Variants in TIAM2 observed in about 807,000 individuals in gnomAD.
TIAM2 encodes TIAM Rac1 associated GEF 2.
In TIAM2, 80 loss-of-function variants were observed where a neutral mutation model predicts 152.9. The ratio of observed to expected loss-of-function variants is 0.52; its 90% confidence interval spans 0.44 to 0.63. The LOEUF (loss-of-function observed/expected upper bound fraction) is 0.63. Among genes scored for constraint, TIAM2 ranks in the 30% least tolerant of loss-of-function variants. The probability of loss-of-function intolerance (pLI) is 0.00; values close to 1 mark genes in which losing one functional copy is unlikely to be tolerated. For synonymous variants in TIAM2, 804 were observed against 838.0 expected, an observed-to-expected ratio of 0.96 and a Z score of 0.70; for missense variants, 1,965 against 2,120.1, an observed-to-expected ratio of 0.93 and a Z score of 1.44.
At chr6:155,059,329 C>CGCGTGTGCAT (rs141796855) in intron 1 of TIAM2, among the ~76,000 whole-genome samples, 2 of 149,290 alleles carry the variant, frequency 1.3e-5, no homozygotes, top group African/African-American at 2.5e-5. Flanking sequence ...TGTGTGTGCG[C>CGCGTGTGCAT]GTGTATGTTT....
chr6:155,080,538 C>T (rs1778039795), intron 1 of TIAM2, among the ~76,000 whole-genome samples: 1 of 151,890 alleles, frequency 6.6e-6, no homozygotes, highest in Non-Finnish European at 1.5e-5. Context: ...CTCCCAGGTT[C>T]AAGCGATTCC....
At chr6:154,997,834 C>T (rs544566690) in intron 1 of TIAM2, among the ~76,000 whole-genome samples, 4 of 151,700 alleles carry the variant, frequency 2.6e-5, no homozygotes, top group East Asian at 1.9e-4. Flanking sequence ...GAGGGGGTTT[C>T]GCCATGTTGC....
chr6:155,006,102 C>T (rs533838671), intron 1 of TIAM2, among the ~76,000 whole-genome samples: 17 of 152,278 alleles, frequency 1.1e-4, no homozygotes, highest in East Asian at 7.7e-4. Context: ...GAGGCTCCCA[C>T]GTGTAGCCCC....
intron 1 of TIAM2, among the ~76,000 whole-genome samples, chr6:155,069,331 C>T (rs9384276): frequency 0.3 from 45,575 of 151,848 alleles, 7,372 homozygotes; most frequent in Non-Finnish European, 0.37. Context: ...AGGGCTTGAG[C>T]GATCCTCCCA....
chr6:155,088,690 C>G (rs1351558418), intron 1 of TIAM2, among the ~76,000 whole-genome samples: 1 of 152,216 alleles, frequency 6.6e-6, no homozygotes, highest in Non-Finnish European at 1.5e-5. Flanking sequence ...TCCCCTTGCT[C>G]TAAGGCAAGC....
chr6:155,021,851 T>C (rs1365273920), intron 1 of TIAM2, among the ~76,000 whole-genome samples: 7 of 152,196 alleles, frequency 4.6e-5, no homozygotes, highest in Admixed American at 4.6e-4. Flanking sequence ...GTCATGCATT[T>C]ATTTCTTTAC....
chr6:155,218,444 A>G lies in TIAM2; in HGVS notation c.3168+7137A>G, dbSNP rs1781925163. ...ACCTGATGCTTAAACCTGAATTTGT[A>G]TTCCCATCCACCATGCCTTATCATT... On this transcript the variant is annotated intron_variant, in intron 15 of 26. Transcript: ENST00000682666. The surrounding 1 kb of genome is among the most constrained non-coding windows in gnomAD (Gnocchi z 4.5). Among the ~76,000 whole-genome samples the G allele has an allele frequency of 1.3e-5, 2 of 152,182 alleles. No individual in the cohort carries two copies. The highest frequency in any genetic ancestry group is 4.8e-5 in the African/African-American group (2 of 41,448).
intron 1 of TIAM2, among the ~76,000 whole-genome samples, chr6:155,065,074 T>C (rs1322645839): frequency 2.0e-5 from 3 of 152,208 alleles, no homozygotes; most frequent in Middle Eastern, 3.4e-3. Flanking sequence ...CTGCCTCAGC[T>C]TCCTGAGTAG....
chr6:155,006,667 C>T (rs1332772046), intron 1 of TIAM2, among the ~76,000 whole-genome samples: 1 of 149,414 alleles, frequency 6.7e-6, no homozygotes, highest in Non-Finnish European at 1.5e-5. Context: ...GACTGTCTCC[C>T]CCACCTCCCC....
At chr6:155,121,230 A>G (rs1779142421) in intron 2 of TIAM2, among the ~76,000 whole-genome samples, 1 of 152,214 alleles carries the variant, frequency 6.6e-6, no homozygotes, top group Non-Finnish European at 1.5e-5. Flanking sequence ...GTGTTGCATT[A>G]TTGAATAATG....
At chr6:155,139,485 C>T (rs943622667) in intron 5 of TIAM2, among the ~76,000 whole-genome samples, 3 of 152,034 alleles carry the variant, frequency 2.0e-5, no homozygotes, top group Non-Finnish European at 2.9e-5. Flanking sequence ...TCCATACTGG[C>T]GAGGCAGATT....
chr6:155,042,284 CTATGCAACTT>C (rs1471320259), intron 1 of TIAM2, among the ~76,000 whole-genome samples: 1 of 151,292 alleles, frequency 6.6e-6, no homozygotes, highest in Non-Finnish European at 1.5e-5. Context: ...TAAGTTTGGC[CTATGCAACTT>C]CCAAAGCCCA....
At chr6:155,245,755 G>GCT (rs1783283396) in intron 19 of TIAM2, 24 bp downstream of exon 19, 1 of 1,022,126 alleles carries the variant, frequency 9.8e-7, no homozygotes, top group Non-Finnish European at 1.4e-6. Context: ...GCCTTTTATA[G>GCT]TTTTTTTTTT....
intron 14 of TIAM2, among the ~76,000 whole-genome samples, chr6:155,185,123 C>CTTTTTT (rs11404301): frequency 1.1e-4 from 10 of 92,398 alleles, no homozygotes; most frequent in African/African-American, 2.6e-4. Context: ...GCAAATTTAC[C>CTTTTTT]TTTTTTTTTT....
intron 1 of TIAM2, among the ~76,000 whole-genome samples, chr6:155,049,944 C>A (rs80236892): frequency 6.6e-6 from 1 of 152,072 alleles, no homozygotes; most frequent in Non-Finnish European, 1.5e-5. Context: ...AGGACTTTTG[C>A]AGCTCACCGC....
intron 19 of TIAM2, 83 bp downstream of exon 19, chr6:155,245,814 T>C: frequency 4.2e-6 from 4 of 945,560 alleles, no homozygotes; most frequent in Non-Finnish European, 6.3e-6. Context: ...ATTTAACAAG[T>C]AGAGAGTAAG....
intron 1 of TIAM2, among the ~76,000 whole-genome samples, chr6:155,001,747 G>A (rs1778315304): frequency 6.6e-6 from 1 of 152,212 alleles, no homozygotes; most frequent in African/African-American, 2.4e-5. Context: ...TAAATTCATG[G>A]TTAGGTTTCT....
At chr6:155,206,958 C>T (rs1262275973) in intron 14 of TIAM2, among the ~76,000 whole-genome samples, 10 of 152,126 alleles carry the variant, frequency 6.6e-5, no homozygotes, top group African/African-American at 2.4e-4. Flanking sequence ...ATGCTGAGTT[C>T]AGGGTGGGCA....
At chr6:155,250,790 T>C (rs1042053044) in intron 21 of TIAM2, 123 bp from the exon 22 acceptor site, 11 of 1,156,308 alleles carry the variant, frequency 9.5e-6, no homozygotes, top group Admixed American at 1.9e-5. Flanking sequence ...TTTACAGGTA[T>C]CATAAAAATT....
Sources: gnomAD v4.1 joint callset for allele counts (sites outside exome capture counted in the v4.1 genomes callset) on GRCh38, gnomAD v4.1.1 for gene constraint, Gnocchi (gnomAD v3.1) non-coding constraint, MANE v1.5 for transcripts, NCBI Gene and HGNC (gene_info 2026-07-23, HGNC 2026-07-21) for gene names.